Variants in SPAG17 observed in about 807,000 individuals in gnomAD.
SPAG17 encodes the protein sperm associated antigen 17.
A neutral mutation model predicts 273.6 loss-of-function variants in SPAG17; 169 were observed. The ratio of observed to expected loss-of-function variants is 0.62; its 90% confidence interval spans 0.55 to 0.70. The LOEUF is 0.70. SPAG17 is among the 30% of genes least tolerant of loss of function. SPAG17 has a pLI of 0.00. For synonymous variants in SPAG17, 825 were observed against 873.2 expected (o/e 0.94, Z 0.97); for missense variants, 2,557 against 2,627.8 (o/e 0.97, Z 0.59).
At chr1:118,153,644 C>T (rs532512393) in intron 1 of SPAG17, among the ~76,000 whole-genome samples, 2 of 152,176 alleles carry the variant, frequency 1.3e-5, no homozygotes, top group Admixed American at 1.3e-4. Context: ...GTCAGGAGAT[C>T]GAGACCATTC....
intron 43 of SPAG17, among the ~76,000 whole-genome samples, chr1:117,980,253 A>G (rs968336757): frequency 4.6e-5 from 7 of 151,638 alleles, no homozygotes. Flanking sequence ...TTTTTTTGGG[A>G]TGGAGTCTCG....
At chr1:118,100,416 A>C (rs1655989177) in intron 5 of SPAG17, among the ~76,000 whole-genome samples, 1 of 152,192 alleles carries the variant, frequency 6.6e-6, no homozygotes, top group South Asian at 2.1e-4. Flanking sequence ...TATTAATATT[A>C]AGACATGATC....
intron 28 of SPAG17, among the ~76,000 whole-genome samples, chr1:118,021,627 CTG>C (rs1660505773): frequency 6.6e-6 from 1 of 152,142 alleles, no homozygotes. Context: ...ATTGGGGAAA[CTG>C]TGAGCAGAGT....
intron 1 of SPAG17, among the ~76,000 whole-genome samples, chr1:118,179,640 C>A (rs1660850650): frequency 6.6e-6 from 1 of 151,900 alleles, no homozygotes. Flanking sequence ...AAACAATCAA[C>A]AAAGTGAAAA....
At position 118,081,176 on chromosome 1, in the gene SPAG17, G is replaced by A. The variant is rs1255372346; in HGVS notation, c.2134C>T (p.Leu712Phe). Reference sequence around the variant, plus strand: ...AGCTGTCTATTATCAGGGACTGAGAGTTTGAGATTATTCAAGTCAGAATGC... The same window carrying A: ...AGCTGTCTATTATCAGGGACTGAGAATTTGAGATTATTCAAGTCAGAATGC... ...MKHSDLNNLK[L>F]SVPDNRQLLE... Residue 712 changes from leucine to phenylalanine, a missense_variant, in exon 15 of 49, where the codon CTC becomes TTC. By Grantham distance (22) the Leu-to-Phe change is conservative (BLOSUM62 0). Transcript: ENST00000336338. The A allele has an allele frequency of 6.2e-6, 10 of 1,613,886 alleles. 1 individual carries two copies. Among genetic ancestry groups the A allele is most frequent in the African/African-American group, 2.7e-5 (2 of 74,880 alleles).
intron 3 of SPAG17, among the ~76,000 whole-genome samples, chr1:118,116,733 A>T (rs528238262): frequency 4.6e-5 from 7 of 152,322 alleles, no homozygotes; most frequent in African/African-American, 1.7e-4. Context: ...ACAGAAGGGG[A>T]AGGCCAGAGA....
chr1:118,032,542 C>A (rs536743355), intron 24 of SPAG17, among the ~76,000 whole-genome samples: 2 of 151,754 alleles, frequency 1.3e-5, no homozygotes, highest in Admixed American at 6.6e-5. Context: ...TTTTCTCAAT[C>A]TCCTCTACTT....
At chr1:118,175,209 T>A (rs1205833637) in intron 1 of SPAG17, among the ~76,000 whole-genome samples, 1 of 152,052 alleles carries the variant, frequency 6.6e-6, no homozygotes, top group Non-Finnish European at 1.5e-5. Context: ...TTTGTATTTT[T>A]AGTAGAAACG....
intron 1 of SPAG17, among the ~76,000 whole-genome samples, chr1:118,173,858 T>TAAA (rs11392346): frequency 2.5e-5 from 3 of 118,266 alleles, no homozygotes; most frequent in East Asian, 5.1e-4. Context: ...AGACCCTGTC[T>TAAA]AAAAAAAAAA....
Position 118,069,347 on chromosome 1 carries a change from A to AAAAAAAAAAAAAAAAAAC in SPAG17, c.2386-2449_2386-2448insGTTTTTTTTTTTTTTTTT, listed in dbSNP as rs1653332114. On this transcript the variant is annotated intron_variant, in intron 17 of 48. Transcript: ENST00000336338. ...GCGACAGAGTGAGACTCCGTCTCAA[A>AAAAAAAAAAAAAAAAAAC]AAAAAAAAAAAGTGGTGGTAGCTGT... Among the ~76,000 whole-genome samples, 2 of 150,354 alleles carry AAAAAAAAAAAAAAAAAAC rather than the reference A, an allele frequency of 1.3e-5. 1 individual carries two copies. The highest frequency in any genetic ancestry group is 4.9e-5 in the African/African-American group (2 of 41,004).
At chr1:118,120,248 G>T (rs1449961791) in intron 3 of SPAG17, among the ~76,000 whole-genome samples, 1 of 151,514 alleles carries the variant, frequency 6.6e-6, no homozygotes, top group Non-Finnish European at 1.5e-5. Flanking sequence ...TAAACCACAT[G>T]TGACTATTGA....
rs1655390763 is a variant in SPAG17, at chr1:118,091,801, TATGAC to T, written c.1247-88_1247-84del. On this transcript the variant is annotated intron_variant, in intron 9 of 48. Transcript: ENST00000336338. ...CAAAATTTCATGCATAATTTCAAAC[TATGAC>T]TATGCACTAATAAATGCAGGAGCTG... The T allele has an allele frequency of 1.2e-5, 16 of 1,332,628 alleles. No individual in the cohort carries two copies. In the South Asian group the frequency reaches 1.9e-4, roughly 16 times the overall value. 82.6% of individuals were successfully genotyped at this position (1,332,628 alleles called of 1,614,324 possible). A position where few individuals can be genotyped will look rare whatever the true frequency, so the allele number is the denominator to read the frequency against.
intron 3 of SPAG17, among the ~76,000 whole-genome samples, chr1:118,117,493 T>C (rs1233942019): frequency 6.6e-6 from 1 of 152,232 alleles, no homozygotes; most frequent in Admixed American, 6.5e-5. Flanking sequence ...TGTCTAAAAC[T>C]ATCTGTGGGG....
At chr1:117,996,117 G>A (rs1471162039) in intron 34 of SPAG17, among the ~76,000 whole-genome samples, 1 of 152,114 alleles carries the variant, frequency 6.6e-6, no homozygotes, top group Non-Finnish European at 1.5e-5. Context: ...GCGTATAGGA[G>A]AAGAGGGATA....
At chr1:118,081,678 T>G in intron 13 of SPAG17, 36 bp from the exon 14 acceptor site, 1 of 1,549,458 alleles carries the variant, frequency 6.5e-7, no homozygotes. Context: ...CTGGAAATGT[T>G]CTTATTAGCA....
At chr1:118,156,735 T>C (rs528910969) in intron 1 of SPAG17, among the ~76,000 whole-genome samples, 1 of 152,314 alleles carries the variant, frequency 6.6e-6, no homozygotes, top group East Asian at 1.9e-4. Flanking sequence ...AGAAGGCATC[T>C]TGATGGCCTG....
chr1:117,975,167 G>C (rs1334529107), intron 43 of SPAG17, among the ~76,000 whole-genome samples: 1 of 152,142 alleles, frequency 6.6e-6, no homozygotes, highest in South Asian at 2.1e-4. Flanking sequence ...CTTTGTAGGA[G>C]AGGATAAAAC....
At chr1:117,954,718 G>T in intron 48 of SPAG17, 1 of 1,249,926 alleles carries the variant, frequency 8.0e-7, no homozygotes, top group South Asian at 1.4e-5. Context: ...ATTTGGGGAT[G>T]GATTATTGGG....
rs1235883364 is a variant in SPAG17 at position 118,054,011 on chromosome 1, GC to G, written c.2804del (p.Gly935AlafsTer13). 4 of 1,605,476 alleles carry G rather than the reference GC, an allele frequency of 2.5e-6. No homozygotes were observed. In the South Asian group the frequency reaches 4.4e-5, roughly 18 times the overall value. ...EKEKIPFILE[G>X]SLKAWKEEQH... ...ATGTAAGCTGGATTACCTTGAGAGA[GC>G]CTTCTAAAATGAAAGGAATCTTTTC... On this transcript the variant is annotated frameshift_variant, in exon 20 of 49. Transcript: ENST00000336338. LOFTEE classifies it high-confidence loss of function.
Sources: allele counts gnomAD v4.1 joint callset (sites outside exome capture counted in the v4.1 genomes callset), GRCh38; gene constraint gnomAD v4.1.1; transcripts MANE v1.5; gene names NCBI Gene and HGNC (gene_info 2026-07-23, HGNC 2026-07-21).